DNAH10: variants seen among roughly 807,000 people sequenced by gnomAD.
DNAH10 encodes dynein axonemal heavy chain 10.
In DNAH10, 348 loss-of-function variants were observed where a neutral mutation model predicts 506.6. The observed-to-expected ratio is 0.69, with a 90% CI of 0.63 to 0.75. The LOEUF is 0.75. Ranked by LOEUF, DNAH10 falls within the 30% of genes least tolerant of loss-of-function variation. The probability of loss-of-function intolerance (pLI) is 0.00; values close to 1 mark genes in which losing one functional copy is unlikely to be tolerated. For synonymous variants in DNAH10, 2,059 were observed against 2,198.6 expected (o/e 0.94, Z 1.78); for missense variants, 5,179 against 5,787.1 (o/e 0.89, Z 3.41).
At chr12:123,890,395 C>T (rs902344519) in intron 52 of DNAH10, among the ~76,000 whole-genome samples, 2 of 151,104 alleles carry the variant, frequency 1.3e-5, no homozygotes, top group African/African-American at 2.4e-5. Flanking sequence ...CCCAGCCTTT[C>T]GAGTAGCTGG....
At chr12:123,805,787 T>TG (rs1402133504) in intron 18 of DNAH10, among the ~76,000 whole-genome samples, 1 of 151,048 alleles carries the variant, frequency 6.6e-6, no homozygotes, top group Non-Finnish European at 1.5e-5. Context: ...TTTTTTTTTT[T>TG]TTTGTTTGAG....
Position 123,893,348 on chromosome 12 carries a change from C to T in DNAH10, c.9111C>T (p.Phe3037=), listed in dbSNP as rs770239448. ...GPAKESVWQY[F]VNKSANNLHI... ...CCAAGGAGTCTGTGTGGCAGTACTT[C>T]GTGAACAAAAGTGCAAATAACCTGC... Residue 3037 remains phenylalanine, a synonymous_variant, in exon 53 of 79, where the codon TTC becomes TTT. Coordinates refer to ENST00000673944, the MANE Select transcript of DNAH10 (RefSeq NM_001372106.1). The T allele has an allele frequency of 6.2e-6, 10 of 1,614,036 alleles. No individual in the cohort carries two copies. The highest frequency in any genetic ancestry group is 7.6e-6 in the Non-Finnish European group (9 of 1,179,906).
chr12:123,764,902 A>G (rs773767997), intron 1 of DNAH10, among the ~76,000 whole-genome samples: 2 of 152,130 alleles, frequency 1.3e-5, no homozygotes, highest in Non-Finnish European at 1.5e-5. Context: ...GGTTCTGGCC[A>G]GGTGGGGAGA....
intron 65 of DNAH10, among the ~76,000 whole-genome samples, chr12:123,922,137 C>T (rs902587932): frequency 1.3e-5 from 2 of 151,962 alleles, no homozygotes; most frequent in East Asian, 2.0e-4. Context: ...CACTTTGGGC[C>T]GCCAGGGCGG....
Position 123,762,584 on chromosome 12 carries a change from T to G in DNAH10, c.214+34T>G. 26 of 1,501,924 alleles carry G rather than the reference T, an allele frequency of 1.7e-5. No individual in the cohort carries two copies. Among genetic ancestry groups the G allele is most frequent in the Non-Finnish European group, 2.2e-5 (25 of 1,114,184 alleles). The allele number at this position is 1,501,924 out of a possible 1,614,324, so 93.0% of individuals were successfully genotyped here. ...CGACGCGCCGCTCCCTTCCCCGGGC[T>G]TCCCTCCTGCCCGTCCCGGCCTCTC... is the stretch of plus-strand genomic sequence containing the variant. On this transcript the variant is annotated intron_variant, in intron 1 of 78. Transcript: ENST00000673944. The surrounding 1 kb of genome is among the most constrained non-coding windows in gnomAD (Gnocchi z 5.0).
chr12:123,928,875 G>C lies in DNAH10; in HGVS notation c.12306+288G>C, dbSNP rs1260063882. ...TTCACGGCCCCCCCCCCCACACACAGCCTGCAGTTCGCTAGTGCTGACTGC... is the reference window on the plus strand; with the variant it reads ...TTCACGGCCCCCCCCCCCACACACACCCTGCAGTTCGCTAGTGCTGACTGC... On this transcript the variant is annotated intron_variant, in intron 70 of 78. Coordinates refer to ENST00000673944, the MANE Select transcript of DNAH10 (RefSeq NM_001372106.1). This position sits in a 1 kb window ranked among gnomAD's most constrained non-coding sequence, Gnocchi z 4.9. 8.5e-6 allele frequency: 4 copies of C among 473,310 alleles called. No individual in the cohort carries two copies. Among genetic ancestry groups the C allele is most frequent in the South Asian group, 3.1e-5 (1 of 32,010 alleles). The allele number at this position is 473,310 out of a possible 1,614,324, so 29.3% of individuals were successfully genotyped here. A position where few individuals can be genotyped will look rare whatever the true frequency, so the allele number is the denominator to read the frequency against.
chr12:123,825,653 G>A (rs1013477196), intron 24 of DNAH10, among the ~76,000 whole-genome samples: 1 of 152,168 alleles, frequency 6.6e-6, no homozygotes, highest in African/African-American at 2.4e-5. Context: ...GACAGGAGGA[G>A]AGAGATGGGA....
intron 25 of DNAH10, among the ~76,000 whole-genome samples, chr12:123,828,547 G>T (rs901562892): frequency 7.9e-5 from 12 of 152,124 alleles, no homozygotes; most frequent in Non-Finnish European, 1.3e-4. Flanking sequence ...AGGCATACTC[G>T]CCGAGTCTGC....
rs200494043 is a variant in DNAH10, at chr12:123,933,427, G to A, written c.13393G>A (p.Gly4465Ser). ...ALVQATCRKN[G>S]WPLDRSTLFT... is the part of the protein sequence containing the mutation. The stretch of plus-strand genomic sequence containing the variant: ...GGTGCAGGCCACCTGCCGGAAGAAC[G>A]GCTGGCCACTGGACCGCTCCACCTT... The change falls in exon 77 of 79, where the codon GGC becomes AGC. Residue 4465 changes from glycine (G) to serine (S), a missense_variant. Gly to Ser is a moderately conservative substitution (Grantham distance 56). This residue lies in a region of DNAH10 where 4,844 missense variants were observed against 5,430.5 expected (regional missense o/e 0.89). Coordinates refer to ENST00000673944, the MANE Select transcript of DNAH10 (RefSeq NM_001372106.1). 51 of 1,612,658 alleles carry A rather than the reference G, an allele frequency of 3.2e-5. No individual in the cohort carries two copies. The African/African-American group carries it at 3.5e-4, about 11-fold the overall frequency.
intron 2 of DNAH10, among the ~76,000 whole-genome samples, chr12:123,768,420 C>T (rs534067085): frequency 7.9e-5 from 12 of 152,306 alleles, no homozygotes; most frequent in Admixed American, 6.5e-4. Flanking sequence ...CAGGCGTGAG[C>T]CACCATACCC....
Position 123,819,071 on chromosome 12 carries a change from CT to C in DNAH10, c.3897+9del. ...ATAAAGAGAACTTTCACAGAGGTACCTTTTAAATTTCACTTCCTGAGTAAAG... is the reference window on the plus strand; with the variant it reads ...ATAAAGAGAACTTTCACAGAGGTACCTTTAAATTTCACTTCCTGAGTAAAG... On this transcript the variant is annotated splice_donor_region_variant and intron_variant, in intron 22 of 78. Coordinates refer to ENST00000673944, the MANE Select transcript of DNAH10 (RefSeq NM_001372106.1). 6.3e-7 allele frequency: 1 copy of C among 1,599,286 alleles called. No homozygotes were observed. Among genetic ancestry groups the C allele is most frequent in the Admixed American group, 1.7e-5 (1 of 57,546 alleles).
chr12:123,877,860 G>A lies in DNAH10; in HGVS notation c.8324G>A (p.Arg2775Gln), dbSNP rs764996454. 12 of 1,613,900 alleles carry A rather than the reference G, an allele frequency of 7.4e-6. No individual in the cohort carries two copies. The highest frequency in any genetic ancestry group is 8.5e-6 in the Non-Finnish European group (10 of 1,179,870). ...AAGTTCCATTACATCTTCAACCTTCGAGATCTCTCACGGGTTTTTAATGGT... is the reference window on the plus strand; with the variant it reads ...AAGTTCCATTACATCTTCAACCTTCAAGATCTCTCACGGGTTTTTAATGGT... ...PSKFHYIFNL[R>Q]DLSRVFNGLV... The change falls in exon 48 of 79, where the codon CGA becomes CAA. Residue 2775 changes from arginine to glutamine, a missense_variant. Coordinates refer to ENST00000673944, the MANE Select transcript of DNAH10 (RefSeq NM_001372106.1).
At chr12:123,770,409 A>C (rs1957206898) in intron 2 of DNAH10, among the ~76,000 whole-genome samples, 1 of 151,648 alleles carries the variant, frequency 6.6e-6, no homozygotes, top group African/African-American at 2.4e-5. Flanking sequence ...TGTAGAGATT[A>C]GAGACTACTC....
At chr12:123,861,214 T>C in intron 39 of DNAH10, 44 bp downstream of exon 39, 1 of 1,599,262 alleles carries the variant, frequency 6.3e-7, no homozygotes. Context: ...TTAGTTAATG[T>C]TAATTAGCTC....
intron 54 of DNAH10, 82 bp from the exon 55 acceptor site, chr12:123,897,688 G>T: frequency 6.8e-7 from 1 of 1,465,426 alleles, no homozygotes. Context: ...TCACGCCACT[G>T]CACTCCAGCC....
chr12:123,806,135 G>A (rs1216510392), intron 18 of DNAH10, among the ~76,000 whole-genome samples: 2 of 152,176 alleles, frequency 1.3e-5, no homozygotes, highest in African/African-American at 4.8e-5. Context: ...TGGTTTTTAA[G>A]TGATACGGAC....
chr12:123,783,887 C>T (rs903763561), intron 7 of DNAH10, 60 bp from the exon 8 acceptor site: 2 of 1,470,104 alleles, frequency 1.4e-6, no homozygotes, highest in African/African-American at 2.8e-5. Flanking sequence ...GAGAAACCAC[C>T]ATAAGTGTCT....
Position 123,925,022 on chromosome 12 carries a change from C to T in DNAH10, c.11767-28C>T. 1 of 1,611,866 alleles carries T rather than the reference C, an allele frequency of 6.2e-7. No homozygotes were observed. The highest frequency in any genetic ancestry group is 8.5e-7 in the Non-Finnish European group (1 of 1,178,330). On this transcript the variant is annotated intron_variant, in intron 67 of 78. Transcript: ENST00000673944. This position sits in a 1 kb window ranked among gnomAD's most constrained non-coding sequence, Gnocchi z 4.0. Reference sequence around the variant, plus strand: ...GACCTATGTCATTTCTGAGTTGACGCACAATGAATATTCTTTGCTTTTCCC... The same window carrying T: ...GACCTATGTCATTTCTGAGTTGACGTACAATGAATATTCTTTGCTTTTCCC...
At chr12:123,868,339 T>C (rs1951894765) in intron 43 of DNAH10, among the ~76,000 whole-genome samples, 1 of 152,220 alleles carries the variant, frequency 6.6e-6, no homozygotes, top group Non-Finnish European at 1.5e-5. Context: ...GGGTGGTCTT[T>C]CTGGATGAGA....
Sources: allele counts gnomAD v4.1 joint callset (sites outside exome capture counted in the v4.1 genomes callset), GRCh38; gene constraint gnomAD v4.1.1; regional missense constraint gnomAD v4.1.1; non-coding constraint Gnocchi (gnomAD v3.1); transcripts MANE v1.5; gene names NCBI Gene and HGNC (gene_info 2026-07-23, HGNC 2026-07-21).